RBM5: variants seen among roughly 807,000 people sequenced by gnomAD.
The protein encoded by RBM5 is RNA binding motif protein 5, also known as RNA-binding protein 5.
A neutral mutation model predicts 124.6 loss-of-function variants in RBM5; 15 were observed. The observed-to-expected ratio is 0.12, with a 90% CI of 0.08 to 0.19. The LOEUF (loss-of-function observed/expected upper bound fraction) is 0.19. Among genes scored for constraint, RBM5 ranks in the 10% least tolerant of loss-of-function variants. The pLI, the probability that RBM5 is intolerant of heterozygous loss-of-function variation, is 1.00. For synonymous variants in RBM5, 337 were observed against 361.2 expected (o/e 0.93, Z 0.76); for missense variants, 580 against 1,026.5 (o/e 0.57, Z 5.94).
At position 50,103,064 on chromosome 3, in the gene RBM5, A is replaced by G. The variant is rs372860965; in HGVS notation, c.484-19A>G. The G allele has an allele frequency of 4.1e-5, 64 of 1,561,270 alleles. No homozygotes were observed. Among genetic ancestry groups the G allele is most frequent in the Non-Finnish European group, 5.0e-5 (57 of 1,132,192 alleles). ...ATGTTCCTCACAATGGGAATAACTA[A>G]TTACTTCTTTTCTTACAGAAAAAGT... On this transcript the variant is annotated intron_variant, in intron 6 of 24. Coordinates refer to ENST00000347869, the MANE Select transcript of RBM5 (RefSeq NM_005778.4).
Position 50,117,263 on chromosome 3 carries a change from C to T in RBM5, c.2206C>T (p.Pro736Ser). The T allele has an allele frequency of 6.2e-7, 1 of 1,614,228 alleles. No individual in the cohort carries two copies. The highest frequency in any genetic ancestry group is 8.5e-7 in the Non-Finnish European group (1 of 1,180,050). Residue 736 changes from proline to serine, a missense_variant, in exon 24 of 25, where the codon CCC (proline) becomes TCC (serine). Pro to Ser is a moderately conservative substitution (Grantham distance 74). Coordinates refer to ENST00000347869, the MANE Select transcript of RBM5 (RefSeq NM_005778.4). The surrounding 1 kb of genome is among the most constrained non-coding windows in gnomAD (Gnocchi z 4.2). ...TGCCACTGGCAGGAATTACGAGCAA[C>T]CCACCAAAGATGGCATTGACCACAG... ...FDAGTVNYEQPTKDGIDHSNI... is the reference protein window; with the variant it reads ...FDAGTVNYEQSTKDGIDHSNI...
At chr3:50,092,583 G>C (rs1401450299) in intron 3 of RBM5, among the ~76,000 whole-genome samples, 3 of 149,720 alleles carry the variant, frequency 2.0e-5, no homozygotes, top group African/African-American at 7.4e-5. Flanking sequence ...AAAAAGAAAA[G>C]AAATAATGGC....
At chr3:50,107,640 T>C (rs1575324564) in intron 12 of RBM5, 71 bp downstream of exon 12, 1 of 847,000 alleles carries the variant, frequency 1.2e-6, no homozygotes, top group Admixed American at 2.1e-5. Flanking sequence ...TGACCTCTCC[T>C]GTGGTACTCG....
At chr3:50,114,129 A>G (rs1347725269) in intron 19 of RBM5, 30 bp downstream of exon 19, 7 of 1,614,026 alleles carry the variant, frequency 4.3e-6, no homozygotes, top group Non-Finnish European at 5.9e-6. Context: ...GTATGTCATG[A>G]TGGGAACTTA....
At chr3:50,107,307 A>G (rs1375184580) in intron 11 of RBM5, among the ~76,000 whole-genome samples, 175 bp from the exon 12 acceptor site, 1 of 152,268 alleles carries the variant, frequency 6.6e-6, no homozygotes. Context: ...CAATGATACT[A>G]CAGGGCCACT....
At chr3:50,112,553 G>A (rs1436833650) in intron 17 of RBM5, 1 of 152,078 alleles carries the variant, frequency 6.6e-6, no homozygotes, top group Non-Finnish European at 1.5e-5. Context: ...GAGGATATGT[G>A]ACACCTCTCC....
rs1269107755 is a variant in RBM5 at position 50,118,416 on chromosome 3, T to C, written c.2408T>C (p.Val803Ala). 6.2e-7 allele frequency: 1 copy of C among 1,613,976 alleles called. No individual in the cohort carries two copies. Among genetic ancestry groups the C allele is most frequent in the African/African-American group, 1.3e-5 (1 of 74,916 alleles). The change falls in exon 25 of 25, where the codon GTC (valine) becomes GCC (alanine). Residue 803 changes from valine to alanine, a missense_variant. Physicochemically the swap from Val to Ala is moderately conservative, Grantham distance 64. Coordinates refer to ENST00000347869, the MANE Select transcript of RBM5 (RefSeq NM_005778.4). ...GGCGCCGATTCCTACAAAGATGCTGTCCGGAAAGCCATGTTTGCCCGGTTC... is the reference window on the plus strand; with the variant it reads ...GGCGCCGATTCCTACAAAGATGCTGCCCGGAAAGCCATGTTTGCCCGGTTC... Reference protein sequence around the residue: ...LSGADSYKDAVRKAMFARFTE... With the variant: ...LSGADSYKDAARKAMFARFTE...
At chr3:50,093,600 A>C in intron 3 of RBM5, 120 bp from the exon 4 acceptor site, 2 of 1,126,580 alleles carry the variant, frequency 1.8e-6, no homozygotes, top group Non-Finnish European at 2.5e-6. Flanking sequence ...AGTGAACATT[A>C]CCATGGAGTG....
Position 50,092,098 on chromosome 3 carries a change from C to A in RBM5, c.73C>A (p.Arg25Ser), listed in dbSNP as rs770623982. 6.2e-7 allele frequency: 1 copy of A among 1,613,918 alleles called. No homozygotes were observed. The highest frequency in any genetic ancestry group is 1.7e-5 in the Admixed American group (1 of 59,994). Reference sequence around the variant, plus strand: ...CGGTTCCATCATAGACAGGGATGACCGTGATGAGCGTGAATCCCGAAGCAG... The same window carrying A: ...CGGTTCCATCATAGACAGGGATGACAGTGATGAGCGTGAATCCCGAAGCAG... ...RYGSIIDRDD[R>S]DERESRSRRR... The change falls in exon 3 of 25, where the codon CGT (arginine) becomes AGT (serine). Residue 25 changes from arginine to serine, a missense_variant. By Grantham distance (110) the Arg-to-Ser change is moderately radical. This residue lies in a region of RBM5 where 99 missense variants were observed against 121.1 expected (regional missense o/e 0.82). Transcript: ENST00000347869.
Position 50,118,319 on chromosome 3 carries a change from G to C in RBM5, c.2323-12G>C, listed in dbSNP as rs756767159. 7 of 1,613,938 alleles carry C rather than the reference G, an allele frequency of 4.3e-6. No individual in the cohort carries two copies. Among genetic ancestry groups the C allele is most frequent in the Non-Finnish European group, 5.1e-6 (6 of 1,179,948 alleles). On this transcript the variant is annotated splice_polypyrimidine_tract_variant and intron_variant, in intron 24 of 24. Transcript: ENST00000347869. Reference sequence around the variant, plus strand: ...CCCTACCTCCCAGCTGACAGTCTCTGTGCTTTCCCAGGCTCAAGTTCGGCT... The same window carrying C: ...CCCTACCTCCCAGCTGACAGTCTCTCTGCTTTCCCAGGCTCAAGTTCGGCT...
rs1269124547 is a variant in RBM5 at position 50,093,744 on chromosome 3, G to A, written c.208G>A (p.Asp70Asn). ...PERERERRNS[D>N]RSEDGYHSDG... The stretch of plus-strand genomic sequence containing the variant: ...GAGAGAGCGTGAAAGAAGGAACAGT[G>A]ACCGATCCGAAGATGGCTACCATTC... Residue 70 changes from aspartate to asparagine, a missense_variant, in exon 4 of 25, where the codon GAC (aspartate) becomes AAC (asparagine). Physicochemically the swap from Asp to Asn is conservative, Grantham distance 23. Coordinates refer to ENST00000347869, the MANE Select transcript of RBM5 (RefSeq NM_005778.4). The A allele has an allele frequency of 6.2e-7, 1 of 1,613,668 alleles. No individual in the cohort carries two copies. The highest frequency in any genetic ancestry group is 8.5e-7 in the Non-Finnish European group (1 of 1,179,760).
rs780447376 is a variant in RBM5 at position 50,118,321 on chromosome 3, G to A, written c.2323-10G>A. 6.2e-7 allele frequency: 1 copy of A among 1,614,074 alleles called. No homozygotes were observed. Among genetic ancestry groups the A allele is most frequent in the South Asian group, 1.1e-5 (1 of 91,074 alleles). Reference sequence around the variant, plus strand: ...CTACCTCCCAGCTGACAGTCTCTGTGCTTTCCCAGGCTCAAGTTCGGCTAA... The same window carrying A: ...CTACCTCCCAGCTGACAGTCTCTGTACTTTCCCAGGCTCAAGTTCGGCTAA... On this transcript the variant is annotated splice_polypyrimidine_tract_variant and intron_variant, in intron 24 of 24. Transcript: ENST00000347869.
chr3:50,107,616 C>G (rs905540458), intron 12 of RBM5, 47 bp downstream of exon 12: 30 of 1,348,570 alleles, frequency 2.2e-5, no homozygotes, highest in African/African-American at 4.4e-5. Context: ...TGGTGGTGCC[C>G]AGATTCACAG....
chr3:50,104,575 G>C, intron 8 of RBM5: 1 of 423,242 alleles, frequency 2.4e-6, no homozygotes, highest in Non-Finnish European at 4.3e-6. Flanking sequence ...TCCAGGAGTT[G>C]AAGGCTGCAG....
chr3:50,116,489 G>A (rs1422331650), intron 22 of RBM5: 2 of 170,918 alleles, frequency 1.2e-5, no homozygotes, highest in Non-Finnish European at 2.5e-5. Flanking sequence ...TGGCGGCCAG[G>A]TGGGCAGGGA....
intron 4 of RBM5, 68 bp from the exon 5 acceptor site, chr3:50,099,914 A>G (rs2090906043): frequency 7.2e-7 from 1 of 1,389,120 alleles, no homozygotes; most frequent in Admixed American, 2.4e-5. Context: ...AGTTGATGTA[A>G]TTCCTATTCC....
At position 50,117,205 on chromosome 3, in the gene RBM5, T is replaced by A. The variant is rs2091269439; in HGVS notation, c.2192+34T>A. ...TGTGCACATTTTCCAGTTCGTAAGC[T>A]GGGGCCCTGGCTGTTTTAAGTAACT... On this transcript the variant is annotated intron_variant, in intron 23 of 24. Transcript: ENST00000347869. The surrounding 1 kb of genome is among the most constrained non-coding windows in gnomAD (Gnocchi z 4.2). 3 of 1,614,104 alleles carry A rather than the reference T, an allele frequency of 1.9e-6. No individual in the cohort carries two copies. Among genetic ancestry groups the A allele is most frequent in the Non-Finnish European group, 1.7e-6 (2 of 1,180,038 alleles).
At chr3:50,107,807 C>G (rs1309385148) in intron 12 of RBM5, among the ~76,000 whole-genome samples, 2 of 147,568 alleles carry the variant, frequency 1.4e-5, no homozygotes, top group East Asian at 2.0e-4. Context: ...CTGTCTCAGC[C>G]TCTTGAGTAG....
At chr3:50,107,183 G>T in intron 11 of RBM5, 1 of 632,900 alleles carries the variant, frequency 1.6e-6, no homozygotes, top group East Asian at 3.0e-5. Context: ...CCAGAACAGC[G>T]TGCTAATAAT....
Sources: gnomAD v4.1 joint callset for allele counts (sites outside exome capture counted in the v4.1 genomes callset) on GRCh38, gnomAD v4.1.1 for gene constraint, gnomAD v4.1.1 regional missense constraint, Gnocchi (gnomAD v3.1) non-coding constraint, MANE v1.5 for transcripts, NCBI Gene and HGNC (gene_info 2026-07-23, HGNC 2026-07-21) for gene names.